The following STARD9 variants were observed in gnomAD, a reference collection of about 807,000 sequenced individuals.
STARD9 encodes the protein stAR-related lipid transfer protein 9.
STARD9 carries 346 observed loss-of-function variants against 399.8 expected under a neutral mutation model. The observed-to-expected ratio is 0.87, with a 90% CI of 0.79 to 0.95. The LOEUF (loss-of-function observed/expected upper bound fraction) is 0.95, where lower values mean the gene tolerates loss of function less well. Ranked by LOEUF, STARD9 falls within the 40% of genes least tolerant of loss-of-function variation. The pLI, the probability that STARD9 is intolerant of heterozygous loss-of-function variation, is 0.00. For missense variants in STARD9, 5,832 were observed against 5,667.5 expected (o/e 1.03, Z -0.93); for synonymous variants, 2,203 against 2,143.5 (o/e 1.03, Z -0.77).
chr15:42,718,764 G>C lies in STARD9; in HGVS notation c.13855G>C (p.Val4619Leu), dbSNP rs1222108173. The C allele has an allele frequency of 6.5e-7, 1 of 1,537,228 alleles. No individual in the cohort carries two copies. The highest frequency in any genetic ancestry group is 2.0e-5 in the Admixed American group (1 of 50,998). Residue 4619 changes from valine (V) to leucine (L), a missense_variant, in exon 32 of 33, where the codon GTC (valine) becomes CTC (leucine). By Grantham distance (32) the Val-to-Leu change is conservative. Around this residue, in one of 2 missense-constraint regions of STARD9, gnomAD observed 5,828 missense variants for 5,651.1 expected, o/e 1.03. Transcript: ENST00000290607. ...CCTCTGTCCCCAGGGTCACCTGTCT[G>C]TCATGGCAGCCCAGTCTGTGTATGA... ...CVEAKEGHLS[V>L]MAAQSVYDTS...
intron 3 of STARD9, among the ~76,000 whole-genome samples, chr15:42,634,016 G>C (rs1340499035): frequency 6.6e-6 from 1 of 152,034 alleles, no homozygotes; most frequent in Admixed American, 6.6e-5. Context: ...GGCTTCTATA[G>C]TAGAGCATTG....
intron 3 of STARD9, among the ~76,000 whole-genome samples, chr15:42,595,677 A>G (rs1227266194): frequency 6.6e-6 from 1 of 152,226 alleles, no homozygotes; most frequent in African/African-American, 2.4e-5. Context: ...GCATTTTCTC[A>G]TGAATATTTG....
In STARD9 at chr15:42,691,282, A is replaced by G; in HGVS notation, c.9704A>G (p.Asp3235Gly). ...GCCCAGGGTGTGAATCCCCTTCCTG[A>G]TGAAGATGGCTTAGATGGCTGTCAG... ...GFAQGVNPLP[D>G]EDGLDGCQIL... Residue 3235 changes from aspartate (D) to glycine (G), a missense_variant, in exon 23 of 33, where the codon GAT becomes GGT. Physicochemically the swap from Asp to Gly is moderately conservative, Grantham distance 94 (BLOSUM62 -1). Around this residue, in one of 2 missense-constraint regions of STARD9, gnomAD observed 5,828 missense variants for 5,651.1 expected, o/e 1.03. Coordinates refer to ENST00000290607, the MANE Select transcript of STARD9 (RefSeq NM_020759.3). 1 of 1,537,234 alleles carries G rather than the reference A, an allele frequency of 6.5e-7. No homozygotes were observed. The highest frequency in any genetic ancestry group is 2.4e-5 in the East Asian group (1 of 40,920).
chr15:42,710,257 T>A (rs2061184281), intron 26 of STARD9, among the ~76,000 whole-genome samples: 1 of 150,700 alleles, frequency 6.6e-6, no homozygotes, highest in African/African-American at 2.5e-5. Context: ...GAGATGGGGT[T>A]TTACCATGTT....
intron 20 of STARD9, among the ~76,000 whole-genome samples, chr15:42,680,958 A>G (rs534149147): frequency 5.9e-5 from 9 of 152,202 alleles, no homozygotes; most frequent in Non-Finnish European, 1.2e-4. Context: ...TTTCTGTTTC[A>G]GGGAATGGAG....
chr15:42,581,042 C>G, intron 1 of STARD9: 1 of 510,122 alleles, frequency 2.0e-6, no homozygotes, highest in South Asian at 1.9e-5. Flanking sequence ...CCTCTTCTGT[C>G]TTTTCACTGT....
Position 42,690,102 on chromosome 15 carries a change from A to C in STARD9, c.8524A>C (p.Thr2842Pro). ...QDHVQCPEAS[T>P]GFEEGRASPK... Reference sequence around the variant, plus strand: ...CCATGTCCAATGCCCTGAGGCTTCTACTGGCTTTGAAGAAGGTAGGGCAAG... The same window carrying C: ...CCATGTCCAATGCCCTGAGGCTTCTCCTGGCTTTGAAGAAGGTAGGGCAAG... The change falls in exon 23 of 33, where the codon ACT (threonine) becomes CCT (proline). Residue 2842 changes from threonine (T) to proline (P), a missense_variant. Physicochemically the swap from Thr to Pro is conservative, Grantham distance 38. Transcript: ENST00000290607. 10 of 1,537,756 alleles carry C rather than the reference A, an allele frequency of 6.5e-6. No homozygotes were observed. Among genetic ancestry groups the C allele is most frequent in the Non-Finnish European group, 7.8e-6 (9 of 1,147,024 alleles).
chr15:42,717,329 T>A (rs1281686152), intron 28 of STARD9, among the ~76,000 whole-genome samples: 1 of 151,062 alleles, frequency 6.6e-6, no homozygotes, highest in Non-Finnish European at 1.5e-5. Context: ...TACAAAAAAA[T>A]AAAAAACATT....
rs1288242945 is a variant in STARD9, at chr15:42,682,126, A to C, written c.2088A>C (p.Glu696Asp). 2.6e-6 allele frequency: 4 copies of C among 1,537,154 alleles called. No individual in the cohort carries two copies. The highest frequency in any genetic ancestry group is 3.5e-6 in the Non-Finnish European group (4 of 1,146,834). The change falls in exon 22 of 33, where the codon GAA (glutamate) becomes GAC (aspartate). Residue 696 changes from glutamate to aspartate, a missense_variant. This residue lies in a region of STARD9 where 5,828 missense variants were observed against 5,651.1 expected (regional missense o/e 1.03). Coordinates refer to ENST00000290607, the MANE Select transcript of STARD9 (RefSeq NM_020759.3). ...CAGACCAGCAGTGTCTGCTCAGAGA[A>C]GAGACCTGGCTGGCCAGCTTGCAAC... ...IKENQQCLLR[E>D]ETWLASLQQQ...
At chr15:42,600,849 T>C (rs911990261) in intron 3 of STARD9, among the ~76,000 whole-genome samples, 2 of 151,124 alleles carry the variant, frequency 1.3e-5, no homozygotes, top group Non-Finnish European at 2.9e-5. Flanking sequence ...ACTTGATATA[T>C]CTGTTTTTCT....
intron 20 of STARD9, 26 bp from the exon 21 acceptor site, chr15:42,681,396 G>T: frequency 2.0e-6 from 3 of 1,528,124 alleles, no homozygotes; most frequent in South Asian, 1.2e-5. Context: ...TTTCCCCTTG[G>T]GTAACCTCAG....
At chr15:42,675,054 T>C in intron 18 of STARD9, 90 bp downstream of exon 18, 2 of 1,333,466 alleles carry the variant, frequency 1.5e-6, no homozygotes, top group Non-Finnish European at 1.9e-6. Context: ...AAGCAGGCTT[T>C]AAAAATGGAT....
chr15:42,618,024 G>T (rs1466496073), intron 3 of STARD9, among the ~76,000 whole-genome samples: 2 of 151,578 alleles, frequency 1.3e-5, no homozygotes, highest in Non-Finnish European at 2.9e-5. Flanking sequence ...CTCTCAAGGT[G>T]CTGGGATTAT....
chr15:42,675,840 G>C, intron 19 of STARD9, 32 bp from the exon 20 acceptor site: 1 of 1,534,992 alleles, frequency 6.5e-7, no homozygotes, highest in Non-Finnish European at 8.7e-7. Flanking sequence ...GGCGATGACA[G>C]CAGCCTCACT....
intron 3 of STARD9, among the ~76,000 whole-genome samples, chr15:42,633,755 G>A (rs1056862449): frequency 3.3e-5 from 5 of 150,846 alleles, no homozygotes; most frequent in Non-Finnish European, 5.9e-5. Context: ...CGATTCTCCT[G>A]CCTCCGCTTC....
chr15:42,681,899 C>G (rs1475392406), intron 21 of STARD9, among the ~76,000 whole-genome samples: 1 of 152,138 alleles, frequency 6.6e-6, no homozygotes, highest in Non-Finnish European at 1.5e-5. Context: ...CACGTGCCCA[C>G]TGCTGTGCTG....
At chr15:42,657,104 C>T (rs1029730988) in intron 9 of STARD9, among the ~76,000 whole-genome samples, 1 of 152,066 alleles carries the variant, frequency 6.6e-6, no homozygotes, top group African/African-American at 2.4e-5. Flanking sequence ...AGCCTGTAAT[C>T]CCAGCACTTT....
chr15:42,716,908 C>T lies in STARD9; in HGVS notation c.13373-19C>T. The T allele has an allele frequency of 6.5e-7, 1 of 1,537,134 alleles. No individual in the cohort carries two copies. ...CTGATGTTCAGTGCTATCACAGGGCCTCCACCTATTTCTTGTAGGCCACAG... is the reference window on the plus strand; with the variant it reads ...CTGATGTTCAGTGCTATCACAGGGCTTCCACCTATTTCTTGTAGGCCACAG... On this transcript the variant is annotated intron_variant, in intron 27 of 32. Coordinates refer to ENST00000290607, the MANE Select transcript of STARD9 (RefSeq NM_020759.3).
intron 9 of STARD9, among the ~76,000 whole-genome samples, chr15:42,656,286 G>A (rs935089411): frequency 7.8e-6 from 1 of 128,992 alleles, no homozygotes; most frequent in African/African-American, 2.9e-5. Context: ...GGCAGAGGTT[G>A]CAGTGAGCCG....
Sources: gnomAD v4.1 joint callset for allele counts (sites outside exome capture counted in the v4.1 genomes callset) on GRCh38, gnomAD v4.1.1 for gene constraint, gnomAD v4.1.1 regional missense constraint, MANE v1.5 for transcripts, NCBI Gene and HGNC (gene_info 2026-07-23, HGNC 2026-07-21) for gene names.